The following ECPAS variants were observed in gnomAD, a reference collection of about 807,000 sequenced individuals.
ECPAS encodes proteasome adapter and scaffold protein ECM29.
In ECPAS, 70 loss-of-function variants were observed where a neutral mutation model predicts 255.1. The observed-to-expected ratio is 0.27, with a 90% CI of 0.23 to 0.33. The LOEUF (loss-of-function observed/expected upper bound fraction) is 0.33, where lower values mean the gene tolerates loss of function less well. Ranked by LOEUF, ECPAS falls within the 10% of genes least tolerant of loss-of-function variation. The pLI is 1.00. For missense variants in ECPAS, 1,817 were observed against 2,206.4 expected, an observed-to-expected ratio of 0.82 and a Z score of 3.54; for synonymous variants, 784 against 775.0, an observed-to-expected ratio of 1.01 and a Z score of -0.19.
chr9:111,433,450 C>G, intron 7 of ECPAS, 78 bp from the exon 8 acceptor site: 6 of 1,494,638 alleles, frequency 4.0e-6, no homozygotes, highest in Non-Finnish European at 5.5e-6. Context: ...CTTAACATAT[C>G]AGTGTGGTCA....
intron 15 of ECPAS, among the ~76,000 whole-genome samples, chr9:111,421,654 A>G (rs1393328312): frequency 6.6e-6 from 1 of 152,150 alleles, no homozygotes; most frequent in Non-Finnish European, 1.5e-5. Context: ...ACCAGTTACA[A>G]AGACAAAACA....
intron 24 of ECPAS, among the ~76,000 whole-genome samples, chr9:111,408,369 A>C (rs1189435577): frequency 5.3e-5 from 8 of 152,160 alleles, no homozygotes; most frequent in African/African-American, 1.9e-4. Context: ...AATTTTAAGA[A>C]AAGGTCTTTC....
At position 111,440,524 on chromosome 9, in the gene ECPAS, G is replaced by GA. The variant is rs1032475140; in HGVS notation, c.390-4dup. 3.8e-6 allele frequency: 6 copies of GA among 1,570,484 alleles called. No homozygotes were observed. Among genetic ancestry groups the GA allele is most frequent in the Middle Eastern group, 1.7e-4 (1 of 5,900 alleles). ...TTGGTATTAAAAGATGCATTAAGCT[G>GA]AAAAAACAATTACATTTATTGCAAC... On this transcript the variant is annotated splice_polypyrimidine_tract_variant and splice_region_variant and intron_variant, in intron 5 of 49. Transcript: ENST00000684092.
chr9:111,466,027 T>C (rs894031140), intron 2 of ECPAS, among the ~76,000 whole-genome samples: 1 of 150,080 alleles, frequency 6.7e-6, no homozygotes, highest in Non-Finnish European at 1.5e-5. Flanking sequence ...AGCAAGACCC[T>C]GTCCCAAAAA....
At chr9:111,373,441 G>T (rs1384337144) in intron 39 of ECPAS, 35 bp from the exon 40 acceptor site, 21 of 1,570,014 alleles carry the variant, frequency 1.3e-5, no homozygotes, top group Non-Finnish European at 1.8e-5. Context: ...TCTGATACTT[G>T]GTTGACCAAA....
rs578131058 is a variant in ECPAS, at chr9:111,403,169, A to G, written c.2652+5402T>C. On this transcript the variant is annotated intron_variant, in intron 24 of 49. Transcript: ENST00000684092. ...GGGGTTCAAGACCAGCCTGGCCAAC[A>G]TGGCAAAACCCCATCTCTACTGAAA... Among the ~76,000 whole-genome samples the G allele has an allele frequency of 3.3e-5, 5 of 149,630 alleles. No homozygotes were observed. The South Asian group carries it at 1.1e-3, about 32-fold the overall frequency.
At position 111,412,093 on chromosome 9, in the gene ECPAS, G is replaced by C. The variant is rs2098195494; in HGVS notation, c.2135C>G (p.Ser712Cys). 1 of 1,597,046 alleles carries C rather than the reference G, an allele frequency of 6.3e-7. No homozygotes were observed. ...EMRELAALFY[S>C]VVVSTVSGNE... ...CCCCGACACTGTTGATACCACTACA[G>C]AATAAAACAACGCTGCCAGTTCGCG... The change falls in exon 21 of 50, where the codon TCT becomes TGT. Residue 712 changes from serine to cysteine, a missense_variant. By Grantham distance (112) the Ser-to-Cys change is moderately radical. Transcript: ENST00000684092.
intron 2 of ECPAS, among the ~76,000 whole-genome samples, chr9:111,459,096 C>T (rs186685257): frequency 5.2e-4 from 79 of 152,194 alleles, no homozygotes; most frequent in African/African-American, 1.9e-3. Flanking sequence ...ATGCCCTTAA[C>T]TGGTTAGGTT....
chr9:111,385,588 T>A lies in ECPAS; in HGVS notation c.3528-146A>T, dbSNP rs957714464. 32 of 630,230 alleles carry A rather than the reference T, an allele frequency of 5.1e-5. 1 individual carries two copies. In the Middle Eastern group the frequency reaches 1.3e-3, roughly 25 times the overall value. 39.0% of individuals were successfully genotyped at this position (630,230 alleles called of 1,614,324 possible). ...AAAACAGCAATGACTTCTCTCCAGGTCCCTCAAATATACCATATATATATG... is the reference window on the plus strand; with the variant it reads ...AAAACAGCAATGACTTCTCTCCAGGACCCTCAAATATACCATATATATATG... On this transcript the variant is annotated intron_variant, in intron 32 of 49. Transcript: ENST00000684092.
intron 32 of ECPAS, 82 bp downstream of exon 32, chr9:111,386,295 G>T: frequency 2.2e-6 from 2 of 907,250 alleles, no homozygotes; most frequent in East Asian, 2.5e-5. Flanking sequence ...TATTCCTTTT[G>T]CACAAAGTAT....
Position 111,425,730 on chromosome 9 carries a change from G to GTCTTTAACTATTT in ECPAS, c.1136+12_1136+13insAAATAGTTAAAGA. The GTCTTTAACTATTT allele has an allele frequency of 1.4e-6, 2 of 1,458,592 alleles. No individual in the cohort carries two copies. Among genetic ancestry groups the GTCTTTAACTATTT allele is most frequent in the Non-Finnish European group, 1.9e-6 (2 of 1,046,408 alleles). The allele number at this position is 1,458,592 out of a possible 1,614,324, so 90.4% of individuals were successfully genotyped here. On this transcript the variant is annotated intron_variant, in intron 11 of 49. Coordinates refer to ENST00000684092, the MANE Select transcript of ECPAS (RefSeq NM_001364929.1). ...GCTTGAAAACTTTATAGTTAAAATA[G>GTCTTTAACTATTT]TTAAAGACTTACGTTATACAAATAT...
At chr9:111,439,111 G>A (rs2131887690) in intron 6 of ECPAS, among the ~76,000 whole-genome samples, 1 of 152,316 alleles carries the variant, frequency 6.6e-6, no homozygotes, top group East Asian at 1.9e-4. Flanking sequence ...AGATGGAAAT[G>A]TCTACAATGC....
At chr9:111,459,701 G>A (rs931704719) in intron 2 of ECPAS, among the ~76,000 whole-genome samples, 2 of 152,062 alleles carry the variant, frequency 1.3e-5, no homozygotes, top group African/African-American at 4.8e-5. Context: ...ATTTTAAGGG[G>A]CTTTTTTAAT....
intron 2 of ECPAS, 95 bp downstream of exon 2, chr9:111,472,802 A>C (rs934537087): frequency 2.0e-5 from 5 of 251,312 alleles, no homozygotes; most frequent in Non-Finnish European, 3.9e-5. Flanking sequence ...AAAAACATGA[A>C]GATCTTGGGG....
chr9:111,387,287 T>C (rs1190896835), intron 31 of ECPAS, among the ~76,000 whole-genome samples: 1 of 151,930 alleles, frequency 6.6e-6, no homozygotes, highest in Non-Finnish European at 1.5e-5. Context: ...TCATCATCAG[T>C]GCAGTTATTG....
chr9:111,452,275 G>A (rs2098261330), intron 2 of ECPAS, among the ~76,000 whole-genome samples: 1 of 152,114 alleles, frequency 6.6e-6, no homozygotes, highest in Non-Finnish European at 1.5e-5. Flanking sequence ...TTTTTTAAAG[G>A]TCCCTACAAA....
intron 24 of ECPAS, among the ~76,000 whole-genome samples, chr9:111,403,454 T>C (rs904972446): frequency 1.5e-5 from 2 of 136,658 alleles, no homozygotes; most frequent in South Asian, 2.2e-4. Context: ...CAAAAAAGAA[T>C]AGAAGTAACT....
intron 20 of ECPAS, 109 bp from the exon 21 acceptor site, chr9:111,412,257 A>G (rs2098195848): frequency 4.3e-6 from 4 of 933,684 alleles, no homozygotes; most frequent in Non-Finnish European, 5.9e-6. Flanking sequence ...GGATATTGAG[A>G]AAAAAACAAG....
At chr9:111,420,436 C>A (rs150907377) in intron 15 of ECPAS, among the ~76,000 whole-genome samples, 2 of 152,238 alleles carry the variant, frequency 1.3e-5, no homozygotes, top group Non-Finnish European at 2.9e-5. Context: ...CAGCCCAAAC[C>A]TTGGGACCAC....
Sources: gnomAD v4.1 joint callset for allele counts (sites outside exome capture counted in the v4.1 genomes callset) on GRCh38, gnomAD v4.1.1 for gene constraint, MANE v1.5 for transcripts, NCBI Gene and HGNC (gene_info 2026-07-23, HGNC 2026-07-21) for gene names.